PIEZO2: variants seen among roughly 807,000 people sequenced by gnomAD.
The protein encoded by PIEZO2 is piezo type mechanosensitive ion channel component 2.
A neutral mutation model predicts 337.3 loss-of-function variants in PIEZO2; 172 were observed. That is an observed-to-expected ratio of 0.51 (90% confidence interval 0.45 to 0.58). PIEZO2 has a LOEUF of 0.58. Among genes scored for constraint, PIEZO2 ranks in the 20% least tolerant of loss-of-function variants. The probability of loss-of-function intolerance (pLI) is 0.00; values close to 1 mark genes in which losing one functional copy is unlikely to be tolerated. For synonymous variants in PIEZO2, 1,251 were observed against 1,228.5 expected, an observed-to-expected ratio of 1.02 and a Z score of -0.38; for missense variants, 3,028 against 3,391.3, an observed-to-expected ratio of 0.89 and a Z score of 2.66.
chr18:10,887,571 A>T (rs1270890448), intron 4 of PIEZO2, among the ~76,000 whole-genome samples: 2 of 152,162 alleles, frequency 1.3e-5, no homozygotes, highest in Non-Finnish European at 2.9e-5. Context: ...CCCAAACAGG[A>T]AACCAGCATT....
At chr18:10,725,332 T>C in intron 36 of PIEZO2, 1 of 1,602,734 alleles carries the variant, frequency 6.2e-7, no homozygotes, top group Non-Finnish European at 8.5e-7. Context: ...GAAGAGGTTG[T>C]GGTGCAGCTG....
rs371788881 is a variant in PIEZO2 at position 11,096,729 on chromosome 18, G to A, written c.65-30507C>T. On this transcript the variant is annotated intron_variant, in intron 1 of 55. Coordinates refer to ENST00000674853, the MANE Select transcript of PIEZO2 (RefSeq NM_001378183.1). The surrounding 1 kb of genome is among the most constrained non-coding windows in gnomAD (Gnocchi z 4.6). The stretch of plus-strand genomic sequence containing the variant: ...ACTGTGGAAGTGAAAGACATTAGGA[G>A]AGAAGGGACAGTGAGTTGCCTAGTC... Among the ~76,000 whole-genome samples the A allele has an allele frequency of 1.5e-4, 23 of 152,320 alleles. No individual in the cohort carries two copies. Among genetic ancestry groups the A allele is most frequent in the South Asian group, 1.2e-3 (6 of 4,828 alleles).
rs775053360 is a variant in PIEZO2, at chr18:10,707,866, G to C, written c.5588+409C>G. On this transcript the variant is annotated intron_variant, in intron 40 of 55. Transcript: ENST00000674853. This position sits in a 1 kb window ranked among gnomAD's most constrained non-coding sequence, Gnocchi z 4.2. ...TAGATTTTTAGATTTTTTTCCTACT[G>C]CATGCATCTTTTGATTACATCAAGA... Among the ~76,000 whole-genome samples the C allele has an allele frequency of 6.6e-6, 1 of 152,030 alleles. No individual in the cohort carries two copies.
At chr18:10,869,743 G>A (rs1157712404) in intron 5 of PIEZO2, among the ~76,000 whole-genome samples, 1 of 152,186 alleles carries the variant, frequency 6.6e-6, no homozygotes, top group East Asian at 1.9e-4. Flanking sequence ...AAAGTAAGAT[G>A]TAAGTGGTTA....
chr18:11,107,926 T>A (rs1470779199), intron 1 of PIEZO2, among the ~76,000 whole-genome samples: 1 of 152,210 alleles, frequency 6.6e-6, no homozygotes, highest in Non-Finnish European at 1.5e-5. Context: ...TTACTAAACT[T>A]ATATTCTTTA....
intron 31 of PIEZO2, among the ~76,000 whole-genome samples, chr18:10,743,537 C>A (rs1568008684): frequency 6.6e-6 from 1 of 152,136 alleles, no homozygotes; most frequent in African/African-American, 2.4e-5. Context: ...GTGGGAAAAA[C>A]CTTAGATGGG....
At position 11,001,533 on chromosome 18, in the gene PIEZO2, G is replaced by A. The variant is rs1475926380; in HGVS notation, c.161-21873C>T. Among the ~76,000 whole-genome samples the A allele has an allele frequency of 6.6e-6, 1 of 152,074 alleles. No individual in the cohort carries two copies. The highest frequency in any genetic ancestry group is 1.5e-5 in the Non-Finnish European group (1 of 68,022). On this transcript the variant is annotated intron_variant, in intron 2 of 55. Coordinates refer to ENST00000674853, the MANE Select transcript of PIEZO2 (RefSeq NM_001378183.1). This position sits in a 1 kb window ranked among gnomAD's most constrained non-coding sequence, Gnocchi z 5.3. ...CCTATGTAGCTGTATTTTGTTATGT[G>A]TTGTGTGTGCACATTTTCCAGAAAT...
intron 7 of PIEZO2, among the ~76,000 whole-genome samples, chr18:10,816,917 T>C (rs2040381469): frequency 6.6e-6 from 1 of 152,166 alleles, no homozygotes; most frequent in South Asian, 2.1e-4. Context: ...TTTTAAAACA[T>C]TGAAGATACG....
rs533822576 is a variant in PIEZO2 at position 11,132,510 on chromosome 18, T to C, written c.64+16015A>G. The stretch of plus-strand genomic sequence containing the variant: ...AATCAACATCCAATATATGGTACTG[T>C]TTCTCTCATAGCCAGGATTCATATG... On this transcript the variant is annotated intron_variant, in intron 1 of 55. Transcript: ENST00000674853. This position sits in a 1 kb window ranked among gnomAD's most constrained non-coding sequence, Gnocchi z 4.7. Among the ~76,000 whole-genome samples the C allele has an allele frequency of 4.6e-5, 7 of 152,322 alleles. No homozygotes were observed. Among genetic ancestry groups the C allele is most frequent in the African/African-American group, 1.7e-4 (7 of 41,580 alleles).
At chr18:10,696,614 C>A (rs1362958189) in intron 45 of PIEZO2, 75 bp from the exon 46 acceptor site, 17 of 1,512,690 alleles carry the variant, frequency 1.1e-5, no homozygotes, top group Non-Finnish European at 1.4e-5. Flanking sequence ...CCAGACACTG[C>A]CATCATGCCA....
intron 3 of PIEZO2, among the ~76,000 whole-genome samples, chr18:10,956,281 C>A (rs973566708): frequency 2.0e-5 from 3 of 152,200 alleles, no homozygotes; most frequent in East Asian, 3.9e-4. Context: ...CAAAACAATT[C>A]TATTTATAAT....
Position 10,731,467 on chromosome 18 carries a change from T to C in PIEZO2, c.4969A>G (p.Lys1657Glu). ...DPKTALRQRH[K>E]EKKRSAREER... is the part of the protein sequence containing the mutation. ...TCTCTTGCAGACCTTTTTTTCTCTT[T>C]GTGTCTTTGTCGGAGTGCTGTTTTA... The change falls in exon 36 of 56, where the codon AAA (lysine) becomes GAA (glutamate). Residue 1657 changes from lysine to glutamate, a missense_variant. Physicochemically the swap from Lys to Glu is moderately conservative, Grantham distance 56. Around this residue, in one of 5 missense-constraint regions of PIEZO2, gnomAD observed 1,925 missense variants for 2,051.9 expected, o/e 0.94. Transcript: ENST00000674853. The C allele has an allele frequency of 1.3e-6, 2 of 1,535,826 alleles. No homozygotes were observed.
intron 3 of PIEZO2, among the ~76,000 whole-genome samples, chr18:10,958,850 T>C (rs1317591417): frequency 1.3e-5 from 2 of 152,148 alleles, no homozygotes; most frequent in Non-Finnish European, 2.9e-5. Flanking sequence ...TTGATATAAA[T>C]TGAAATACCA....
In PIEZO2 at chr18:11,069,979, G is replaced by C. The variant is rs2038280483; in HGVS notation, c.65-3757C>G. Reference sequence around the variant, plus strand: ...CAAGGAGGTGAAAGACCTATAAATGGAAGAATATAAAACATTGATAATAGA... The same window carrying C: ...CAAGGAGGTGAAAGACCTATAAATGCAAGAATATAAAACATTGATAATAGA... On this transcript the variant is annotated intron_variant, in intron 1 of 55. Coordinates refer to ENST00000674853, the MANE Select transcript of PIEZO2 (RefSeq NM_001378183.1). The surrounding 1 kb of genome is among the most constrained non-coding windows in gnomAD (Gnocchi z 4.9). Among the ~76,000 whole-genome samples, 2 of 152,280 alleles carry C rather than the reference G, an allele frequency of 1.3e-5. No individual in the cohort carries two copies. The highest frequency in any genetic ancestry group is 4.1e-4 in the South Asian group (2 of 4,820).
At chr18:10,719,382 G>A (rs752175163) in intron 36 of PIEZO2, among the ~76,000 whole-genome samples, 1 of 152,106 alleles carries the variant, frequency 6.6e-6, no homozygotes, top group Non-Finnish European at 1.5e-5. Flanking sequence ...AATCTCCAGT[G>A]TCTATGACTG....
At position 10,773,389 on chromosome 18, in the gene PIEZO2, G is replaced by C; in HGVS notation, c.2785+23C>G. On this transcript the variant is annotated intron_variant, in intron 20 of 55. Transcript: ENST00000674853. The surrounding 1 kb of genome is among the most constrained non-coding windows in gnomAD (Gnocchi z 5.3). ...TCTGACAGCCAGCGTTCTCTGACCA[G>C]CTGCTGGTAGTGGGCTGATTACCTG... The C allele has an allele frequency of 2.0e-6, 3 of 1,534,176 alleles. No homozygotes were observed. The highest frequency in any genetic ancestry group is 1.7e-6 in the Non-Finnish European group (2 of 1,144,170).
rs139119308 is a variant in PIEZO2 at position 11,003,571 on chromosome 18, G to A, written c.161-23911C>T. On this transcript the variant is annotated intron_variant, in intron 2 of 55. Coordinates refer to ENST00000674853, the MANE Select transcript of PIEZO2 (RefSeq NM_001378183.1). The surrounding 1 kb of genome is among the most constrained non-coding windows in gnomAD (Gnocchi z 4.6). ...GATAATAATTTACCCACTTATTCTA[G>A]TTCAGGGTTGCAGGGGGCTGGAGCT... is the stretch of plus-strand genomic sequence containing the variant. Among the ~76,000 whole-genome samples the A allele has an allele frequency of 9.2e-5, 14 of 152,336 alleles. 1 individual carries two copies. Among genetic ancestry groups the A allele is most frequent in the Middle Eastern group, 3.4e-3 (1 of 294 alleles).
intron 42 of PIEZO2, among the ~76,000 whole-genome samples, chr18:10,703,160 T>C (rs1029932443): frequency 6.6e-6 from 1 of 152,238 alleles, no homozygotes; most frequent in Non-Finnish European, 1.5e-5. Flanking sequence ...TAAGGTGAAA[T>C]CTATACAAGA....
intron 21 of PIEZO2, chr18:10,769,833 A>G (rs1244087809): frequency 2.7e-5 from 6 of 225,778 alleles, no homozygotes; most frequent in Non-Finnish European, 5.1e-5. Flanking sequence ...TTTTCCTTGG[A>G]GAATTTAGGG....
Sources: allele counts gnomAD v4.1 joint callset (sites outside exome capture counted in the v4.1 genomes callset), GRCh38; gene constraint gnomAD v4.1.1; regional missense constraint gnomAD v4.1.1; non-coding constraint Gnocchi (gnomAD v3.1); transcripts MANE v1.5; gene names NCBI Gene and HGNC (gene_info 2026-07-23, HGNC 2026-07-21).